Variants in CUX2 observed in about 807,000 individuals in gnomAD.
The protein encoded by CUX2 is homeobox protein cut-like 2.
A neutral mutation model predicts 144.8 loss-of-function variants in CUX2; 40 were observed. The observed-to-expected ratio is 0.28, with a 90% confidence interval of 0.21 to 0.36. CUX2 has a LOEUF of 0.36. Ranked by LOEUF, CUX2 falls within the 10% of genes least tolerant of loss-of-function variation. The pLI is 1.00. For missense variants in CUX2, 1,615 were observed against 1,994.0 expected (o/e 0.81, Z 3.62); for synonymous variants, 827 against 875.6 (o/e 0.94, Z 0.98).
intron 1 of CUX2, among the ~76,000 whole-genome samples, chr12:111,164,971 A>T (rs1207466321): frequency 2.0e-5 from 3 of 152,158 alleles, no homozygotes; most frequent in Non-Finnish European, 4.4e-5. Context: ...GAGGAGGAGG[A>T]CAGATCAGAG....
At chr12:111,299,354 G>A (rs1420059661) in intron 9 of CUX2, among the ~76,000 whole-genome samples, 2 of 152,332 alleles carry the variant, frequency 1.3e-5, no homozygotes, top group East Asian at 3.9e-4. Flanking sequence ...CCTGAGGGAG[G>A]GCAGCCAGGT....
At chr12:111,175,247 G>A (rs1233361135) in intron 1 of CUX2, among the ~76,000 whole-genome samples, 1 of 151,174 alleles carries the variant, frequency 6.6e-6, no homozygotes, top group African/African-American at 2.4e-5. Flanking sequence ...CAATTCCTCA[G>A]TAAAGACCCA....
At chr12:111,111,378 C>T (rs1400409892) in intron 1 of CUX2, among the ~76,000 whole-genome samples, 2 of 152,244 alleles carry the variant, frequency 1.3e-5, no homozygotes, top group Admixed American at 6.5e-5. Context: ...CCCTATCCAG[C>T]GCTAATGATC....
chr12:111,303,526 C>T (rs767325359), intron 9 of CUX2, among the ~76,000 whole-genome samples: 45 of 151,536 alleles, frequency 3.0e-4, no homozygotes, highest in Non-Finnish European at 5.7e-4. Context: ...ATCCCAGCTA[C>T]TTGGGAGGCT....
In CUX2 at chr12:111,289,793, GA is replaced by G. The variant is rs1474715335; in HGVS notation, c.302-1623del. 6.6e-6 allele frequency among the ~76,000 whole-genome samples: 1 copy of G among 152,128 alleles called. No homozygotes were observed. ...ATGATGGTGTCACCAGGTCCACCGA[GA>G]AGCACACCAAGGATTACATGGGAGA... is the stretch of plus-strand genomic sequence containing the variant. On this transcript the variant is annotated intron_variant, in intron 4 of 21. Transcript: ENST00000261726. This position sits in a 1 kb window ranked among gnomAD's most constrained non-coding sequence, Gnocchi z 4.1.
chr12:111,284,832 C>A (rs1885294257), intron 4 of CUX2, among the ~76,000 whole-genome samples: 2 of 152,192 alleles, frequency 1.3e-5, no homozygotes, highest in African/African-American at 4.8e-5. Context: ...CTCATTGTCT[C>A]AGTTAGTGAG....
chr12:111,256,720 C>T (rs1197488842), intron 3 of CUX2, among the ~76,000 whole-genome samples: 1 of 152,212 alleles, frequency 6.6e-6, no homozygotes, highest in Admixed American at 6.5e-5. Flanking sequence ...CTAACTAGTG[C>T]TCTCATCTTA....
At chr12:111,107,061 G>T (rs1021173064) in intron 1 of CUX2, among the ~76,000 whole-genome samples, 1 of 152,250 alleles carries the variant, frequency 6.6e-6, no homozygotes, top group Non-Finnish European at 1.5e-5. Flanking sequence ...TGGCTGGACA[G>T]TGTGTGCCAG....
rs115043261 is a variant in CUX2, at chr12:111,162,466, C to T, written c.64-51734C>T. 4.9e-3 allele frequency among the ~76,000 whole-genome samples: 748 copies of T among 152,298 alleles called. 6 individuals carry two copies. The highest frequency in any genetic ancestry group is 0.017 in the African/African-American group (693 of 41,564). The stretch of plus-strand genomic sequence containing the variant: ...TTGGATTGCAGCTGTATTGAAGCCC[C>T]ACTGCTGGGATGTGCGGCCTTGGCC... On this transcript the variant is annotated intron_variant, in intron 1 of 21. Coordinates refer to ENST00000261726, the MANE Select transcript of CUX2 (RefSeq NM_015267.4).
At chr12:111,194,085 C>T (rs1291880628) in intron 1 of CUX2, among the ~76,000 whole-genome samples, 1 of 152,166 alleles carries the variant, frequency 6.6e-6, no homozygotes, top group Non-Finnish European at 1.5e-5. Flanking sequence ...ACACCGGTGG[C>T]CACCTGGGTA....
intron 1 of CUX2, among the ~76,000 whole-genome samples, chr12:111,045,718 C>A (rs1359751148): frequency 6.6e-6 from 1 of 152,228 alleles, no homozygotes; most frequent in African/African-American, 2.4e-5. Context: ...TTGCTTCAGA[C>A]CCCGGTCTTG....
chr12:111,101,086 G>A (rs186304219), intron 1 of CUX2, among the ~76,000 whole-genome samples: 2 of 152,324 alleles, frequency 1.3e-5, no homozygotes, highest in East Asian at 3.9e-4. Flanking sequence ...GGGTGTTTTG[G>A]TTTTGGAAGG....
At chr12:111,067,793 T>C (rs1871083420) in intron 1 of CUX2, among the ~76,000 whole-genome samples, 1 of 152,126 alleles carries the variant, frequency 6.6e-6, no homozygotes, top group Non-Finnish European at 1.5e-5. Flanking sequence ...AGGGAGGCCA[T>C]AGGGTGTGCC....
chr12:111,067,324 A>G (rs1695098126), intron 1 of CUX2, among the ~76,000 whole-genome samples: 1 of 152,190 alleles, frequency 6.6e-6, no homozygotes, highest in Admixed American at 6.5e-5. Context: ...TGTTGTCCCT[A>G]TAGCTGAGAC....
intron 1 of CUX2, among the ~76,000 whole-genome samples, chr12:111,056,446 GT>G (rs549400865): frequency 6.6e-6 from 1 of 152,256 alleles, no homozygotes; most frequent in South Asian, 2.1e-4. Flanking sequence ...GATGCTGGCT[GT>G]TGGCTGGAAC....
intron 1 of CUX2, among the ~76,000 whole-genome samples, chr12:111,202,432 C>G (rs889476318): frequency 6.6e-6 from 1 of 152,192 alleles, no homozygotes; most frequent in African/African-American, 2.4e-5. Flanking sequence ...GATTGGCATC[C>G]TCTCTCAAGG....
chr12:111,155,445 G>T (rs1877311627), intron 1 of CUX2, among the ~76,000 whole-genome samples: 1 of 152,192 alleles, frequency 6.6e-6, no homozygotes, highest in Non-Finnish European at 1.5e-5. Context: ...CAAGCACCTT[G>T]TCCCATTGCT....
chr12:111,317,801 G>T (rs1887273374), intron 16 of CUX2, among the ~76,000 whole-genome samples: 1 of 152,040 alleles, frequency 6.6e-6, no homozygotes, highest in African/African-American at 2.4e-5. Flanking sequence ...TTTGAGACCA[G>T]CCTGGCTAAC....
chr12:111,087,522 G>A (rs572209081), intron 1 of CUX2, among the ~76,000 whole-genome samples: 7 of 152,078 alleles, frequency 4.6e-5, no homozygotes, highest in African/African-American at 1.2e-4. Flanking sequence ...GAAAACACAC[G>A]CAAGTGCTTT....
Sources: gnomAD v4.1 joint callset for allele counts (sites outside exome capture counted in the v4.1 genomes callset) on GRCh38, gnomAD v4.1.1 for gene constraint, Gnocchi (gnomAD v3.1) non-coding constraint, MANE v1.5 for transcripts, NCBI Gene and HGNC (gene_info 2026-07-23, HGNC 2026-07-21) for gene names.